IFNE: variants seen among roughly 807,000 people sequenced by gnomAD.
The protein encoded by IFNE is interferon epsilon.
For synonymous variants in IFNE, 94 were observed against 87.4 expected (o/e 1.08, Z -0.42); for missense variants, 276 against 232.4 (o/e 1.19, Z -1.22).
rs1819020575 is a variant in IFNE at position 21,480,869 on chromosome 9, T to C, written c.*199A>G. On this transcript the variant is annotated 3_prime_UTR_variant, in exon 1 of 1. Transcript: ENST00000448696. ...AGAATCAACCATATTAATGAATTTA[T>C]TTTGACATACAAACAATTTAAAATG... 3 of 460,424 alleles carry C rather than the reference T, an allele frequency of 6.5e-6. No individual in the cohort carries two copies. In the East Asian group the frequency reaches 1.0e-4, roughly 16 times the overall value. The allele number at this position is 460,424 out of a possible 1,614,324, so 28.5% of individuals were successfully genotyped here. A position where few individuals can be genotyped will look rare whatever the true frequency, so the allele number is the denominator to read the frequency against.
chr9:21,481,965 A>C lies in IFNE; in HGVS notation c.-271T>G. Reference sequence around the variant, plus strand: ...ATTCATTGTATGCTTTCCTTGAGGCAATTACAGACTAGTCATCCAACATAA... The same window carrying C: ...ATTCATTGTATGCTTTCCTTGAGGCCATTACAGACTAGTCATCCAACATAA... On this transcript the variant is annotated 5_prime_UTR_variant, in exon 1 of 1. In the 5' UTR this introduces an upstream ATG that the reference lacks. Coordinates refer to ENST00000448696, the MANE Select transcript of IFNE (RefSeq NM_176891.5). The C allele has an allele frequency of 2.7e-6, 1 of 376,850 alleles. No individual in the cohort carries two copies. Among genetic ancestry groups the C allele is most frequent in the Non-Finnish European group, 5.0e-6 (1 of 201,164 alleles). 23.3% of individuals were successfully genotyped at this position (376,850 alleles called of 1,614,324 possible).
rs112027420 is a variant in IFNE at position 21,481,567 on chromosome 9, T to C, written c.128A>G (p.Asn43Ser). ...QVNQESLKLLNKLQTLSIQQC... is the reference protein window; with the variant it reads ...QVNQESLKLLSKLQTLSIQQC... ...CTGAATTGACAAGGTTTGCAACTTA[T>C]TCAAGAGTTTTAAACTTTCTTGATT... is the stretch of plus-strand genomic sequence containing the variant. The change falls in exon 1 of 1, where the codon AAT (asparagine) becomes AGT (serine). Residue 43 changes from asparagine to serine, a missense_variant. Asn to Ser is a conservative substitution (Grantham distance 46). Coordinates refer to ENST00000448696, the MANE Select transcript of IFNE (RefSeq NM_176891.5). 609 of 1,614,142 alleles carry C rather than the reference T, an allele frequency of 3.8e-4. 2 individuals carry two copies. In the African/African-American group the frequency reaches 7.2e-3, roughly 19 times the overall value.
At position 21,481,518 on chromosome 9, in the gene IFNE, G is replaced by A; in HGVS notation, c.177C>T (p.Asn59=). The change falls in exon 1 of 1, where the codon AAC becomes AAT. Residue 59 remains asparagine (N), a synonymous_variant. Transcript: ENST00000448696. ...TCAAAGACTTCTGAGGAAGCAGAAA[G>A]TTTTTCCTGTGTGGTAGACACTGCT... The part of the protein sequence containing the change: ...SIQQCLPHRK[N]FLLPQKSLSP... The A allele has an allele frequency of 6.2e-7, 1 of 1,614,104 alleles. No homozygotes were observed. Among genetic ancestry groups the A allele is most frequent in the Non-Finnish European group, 8.5e-7 (1 of 1,180,000 alleles).
rs770923337 is a variant in IFNE, at chr9:21,481,596, T to C, written c.99A>G (p.Gln33=). Residue 33 remains glutamine, a synonymous_variant, in exon 1 of 1, where the codon CAA becomes CAG. Transcript: ENST00000448696. ...DLKLIIFQQR[Q]VNQESLKLLN... ...AGAGTTTTAAACTTTCTTGATTCACTTGTCTTTGCTGGAAGATAATCAGTT... is the reference window on the plus strand; with the variant it reads ...AGAGTTTTAAACTTTCTTGATTCACCTGTCTTTGCTGGAAGATAATCAGTT... The C allele has an allele frequency of 2.6e-5, 42 of 1,614,006 alleles. No homozygotes were observed. Among genetic ancestry groups the C allele is most frequent in the Non-Finnish European group, 3.5e-5 (41 of 1,179,982 alleles).
Position 21,481,043 on chromosome 9 carries a change from T to C in IFNE, c.*25A>G. ...TTACCACTCTATGAAGAATCATGTC[T>C]GGAGAAGTCCTCTAGTCCCTCCACC... On this transcript the variant is annotated 3_prime_UTR_variant, in exon 1 of 1. Transcript: ENST00000448696. 11 of 1,551,242 alleles carry C rather than the reference T, an allele frequency of 7.1e-6. No homozygotes were observed. Among genetic ancestry groups the C allele is most frequent in the Non-Finnish European group, 9.6e-6 (11 of 1,150,354 alleles).
At position 21,481,004 on chromosome 9, in the gene IFNE, T is replaced by A. The variant is rs552125445; in HGVS notation, c.*64A>T. 377 of 1,237,852 alleles carry A rather than the reference T, an allele frequency of 3.0e-4. 1 individual carries two copies. Among genetic ancestry groups the A allele is most frequent in the Non-Finnish European group, 4.2e-4 (370 of 882,256 alleles). The allele number at this position is 1,237,852 out of a possible 1,614,324, so 76.7% of individuals were successfully genotyped here. A position where few individuals can be genotyped will look rare whatever the true frequency, so the allele number is the denominator to read the frequency against. ...ACACAAAATCAAAGCAATGTGATTG[T>A]ACTATAAATTGTATTACCACTCTAT... is the stretch of plus-strand genomic sequence containing the variant. On this transcript the variant is annotated 3_prime_UTR_variant, in exon 1 of 1. Transcript: ENST00000448696.
At position 21,481,984 on chromosome 9, in the gene IFNE, A is replaced by C. The variant is rs1819060386; in HGVS notation, c.-290T>G. The C allele has an allele frequency of 6.3e-6, 2 of 315,330 alleles. No homozygotes were observed. Among genetic ancestry groups the C allele is most frequent in the Non-Finnish European group, 1.2e-5 (2 of 163,430 alleles). 19.5% of individuals were successfully genotyped at this position (315,330 alleles called of 1,614,324 possible). A position where few individuals can be genotyped will look rare whatever the true frequency, so the allele number is the denominator to read the frequency against. ...TGAGGCAATTACAGACTAGTCATCC[A>C]ACATAATCTTTTATTATTCTATTCA... is the stretch of plus-strand genomic sequence containing the variant. On this transcript the variant is annotated 5_prime_UTR_variant, in exon 1 of 1. Transcript: ENST00000448696.
rs1333966085 is a variant in IFNE at position 21,481,095 on chromosome 9, A to T, written c.600T>A (p.Leu200=). 1 of 1,612,334 alleles carries T rather than the reference A, an allele frequency of 6.2e-7. No individual in the cohort carries two copies. Among genetic ancestry groups the T allele is most frequent in the South Asian group, 1.1e-5 (1 of 90,762 alleles). Residue 200 remains leucine, a synonymous_variant, in exon 1 of 1, where the codon CTT becomes CTA. Transcript: ENST00000448696. ...ACCTCGGGCTTCTAAACTCTGTAGT[A>T]AGCTCTTGCTTCATGTCGTTCAAGG... The part of the protein sequence containing the change: ...GRPLNDMKQE[L]TTEFRSPR
rs1238799981 is a variant in IFNE at position 21,481,328 on chromosome 9, G to C, written c.367C>G (p.Leu123Val). 3.7e-6 allele frequency: 6 copies of C among 1,614,148 alleles called. No individual in the cohort carries two copies. Among genetic ancestry groups the C allele is most frequent in the Non-Finnish European group, 8.5e-7 (1 of 1,179,994 alleles). The change falls in exon 1 of 1, where the codon CTC becomes GTC. Residue 123 changes from leucine (L) to valine (V), a missense_variant. By Grantham distance (32) the Leu-to-Val change is conservative. Transcript: ENST00000448696. Reference sequence around the variant, plus strand: ...AGCTTCTCTGCTTCCAGTCCCATGAGTGCTTCTAGGTATTCTAGCTGTTGA... The same window carrying C: ...AGCTTCTCTGCTTCCAGTCCCATGACTGCTTCTAGGTATTCTAGCTGTTGA... ...LHQQLEYLEA[L>V]MGLEAEKLSG...
rs1191909620 is a variant in IFNE at position 21,481,152 on chromosome 9, A to G, written c.543T>C (p.Ser181=). Residue 181 remains serine, a synonymous_variant, in exon 1 of 1, where the codon AGT becomes AGC. Coordinates refer to ENST00000448696, the MANE Select transcript of IFNE (RefSeq NM_176891.5). ...CTTGTTTGCTCAGTTTTTCTGTGAG[A>G]CTGAACACAAAGAACAGACATCGGC... ...EISRCLFFVF[S]LTEKLSKQGR... 1.2e-6 allele frequency: 2 copies of G among 1,614,016 alleles called. No homozygotes were observed. Among genetic ancestry groups the G allele is most frequent in the Admixed American group, 1.7e-5 (1 of 60,008 alleles).
chr9:21,481,672 C>G lies in IFNE; in HGVS notation c.23G>C (p.Gly8Ala), dbSNP rs1407496363. ...AGAGGCCAGCAGCACCAACACAGTTCCAAAGAAGTGCTTGATAATCATGGT... is the reference window on the plus strand; with the variant it reads ...AGAGGCCAGCAGCACCAACACAGTTGCAAAGAAGTGCTTGATAATCATGGT... MIIKHFFGTVLVLLASTT... is the reference protein window; with the variant it reads MIIKHFFATVLVLLASTT... The change falls in exon 1 of 1, where the codon GGA becomes GCA. Residue 8 changes from glycine to alanine, a missense_variant. Gly to Ala is a moderately conservative substitution (Grantham distance 60, BLOSUM62 0). Transcript: ENST00000448696. 1 of 1,612,372 alleles carries G rather than the reference C, an allele frequency of 6.2e-7. No homozygotes were observed. Among genetic ancestry groups the G allele is most frequent in the Non-Finnish European group, 8.5e-7 (1 of 1,179,124 alleles).
chr9:21,481,340 AT>A, the IFNE span: 1 of 1,614,162 alleles, frequency 6.2e-7, no homozygotes, highest in Admixed American at 1.7e-5. Context: ...GCTTCTAGGT[AT>A]TCTAGCTGTT....
the IFNE span, chr9:21,481,142 T>A: frequency 1.2e-6 from 2 of 1,614,114 alleles, no homozygotes; most frequent in Non-Finnish European, 1.7e-6. Flanking sequence ...TTGCTCAGTT[T>A]TTCTGTGAGA....
chr9:21,481,168 A>G lies in IFNE; in HGVS notation c.527T>C (p.Leu176Pro). Reference sequence around the variant, plus strand: ...TTCTGTGAGACTGAACACAAAGAACAGACATCGGCTGATTTCTACTTGGAC... The same window carrying G: ...TTCTGTGAGACTGAACACAAAGAACGGACATCGGCTGATTTCTACTTGGAC... ...AIVQVEISRC[L>P]FFVFSLTEKL... Residue 176 changes from leucine (L) to proline (P), a missense_variant, in exon 1 of 1, where the codon CTG becomes CCG. Leu to Pro is a moderately conservative substitution (Grantham distance 98, BLOSUM62 -3). Coordinates refer to ENST00000448696, the MANE Select transcript of IFNE (RefSeq NM_176891.5). The G allele has an allele frequency of 6.2e-7, 1 of 1,614,190 alleles. No individual in the cohort carries two copies. Among genetic ancestry groups the G allele is most frequent in the Non-Finnish European group, 8.5e-7 (1 of 1,180,012 alleles).
chr9:21,481,415 C>A lies in IFNE; in HGVS notation c.280G>T (p.Ala94Ser), dbSNP rs1235244083. ...MLQQIFSLFR[A>S]NISLDGWEEN... ...TCCCAACCATCCAGAGAAATATTTG[C>A]CCTGAAGAGGCTGAAGATCTGCTGA... The change falls in exon 1 of 1, where the codon GCA becomes TCA. Residue 94 changes from alanine (A) to serine (S), a missense_variant. Physicochemically the swap from Ala to Ser is moderately conservative, Grantham distance 99 (BLOSUM62 1). Coordinates refer to ENST00000448696, the MANE Select transcript of IFNE (RefSeq NM_176891.5). 12 of 1,613,948 alleles carry A rather than the reference C, an allele frequency of 7.4e-6. No homozygotes were observed. The Admixed American group carries it at 1.8e-4, about 25-fold the overall frequency.
Position 21,481,472 on chromosome 9 carries a change from C to G in IFNE, c.223G>C (p.Gly75Arg). 6.2e-7 allele frequency: 1 copy of G among 1,614,068 alleles called. No individual in the cohort carries two copies. The highest frequency in any genetic ancestry group is 8.5e-7 in the Non-Finnish European group (1 of 1,180,000). ...KSLSPQQYQK[G>R]HTLAILHEML... ...TCATGGAGAATGGCCAGAGTGTGTC[C>G]TTTTTGGTACTGCTGAGGACTCAAA... Residue 75 changes from glycine (G) to arginine (R), a missense_variant, in exon 1 of 1, where the codon GGA becomes CGA. Coordinates refer to ENST00000448696, the MANE Select transcript of IFNE (RefSeq NM_176891.5).
Position 21,481,296 on chromosome 9 carries a change from A to G in IFNE, c.399T>C (p.Gly133=). The G allele has an allele frequency of 6.2e-7, 1 of 1,614,146 alleles. No individual in the cohort carries two copies. Among genetic ancestry groups the G allele is most frequent in the Non-Finnish European group, 8.5e-7 (1 of 1,179,984 alleles). ...ATCTAAGGTTATCACTACCCAAAGT[A>G]CCACTTAGCTTCTCTGCTTCCAGTC... is the stretch of plus-strand genomic sequence containing the variant. ...LMGLEAEKLS[G]TLGSDNLRLQ... Residue 133 remains glycine (G), a synonymous_variant, in exon 1 of 1, where the codon GGT becomes GGC. Transcript: ENST00000448696.
In IFNE at chr9:21,481,064, C is replaced by T; in HGVS notation, c.*4G>A. On this transcript the variant is annotated 3_prime_UTR_variant, in exon 1 of 1. Coordinates refer to ENST00000448696, the MANE Select transcript of IFNE (RefSeq NM_176891.5). ...TGTCTGGAGAAGTCCTCTAGTCCCT[C>T]CACCTACCTCGGGCTTCTAAACTCT... 1 of 1,593,846 alleles carries T rather than the reference C, an allele frequency of 6.3e-7. No individual in the cohort carries two copies.
chr9:21,481,485 C>T lies in IFNE; in HGVS notation c.210G>A (p.Gln70=). 6.2e-7 allele frequency: 1 copy of T among 1,614,082 alleles called. No homozygotes were observed. The highest frequency in any genetic ancestry group is 2.2e-5 in the East Asian group (1 of 44,874). ...FLLPQKSLSP[Q]QYQKGHTLAI... ...CCAGAGTGTGTCCTTTTTGGTACTG[C>T]TGAGGACTCAAAGACTTCTGAGGAA... The change falls in exon 1 of 1, where the codon CAG becomes CAA. Residue 70 remains glutamine, a synonymous_variant. Transcript: ENST00000448696.
Sources: gnomAD v4.1 joint callset for allele counts on GRCh38, gnomAD v4.1.1 for gene constraint, MANE v1.5 for transcripts, NCBI Gene and HGNC (gene_info 2026-07-23, HGNC 2026-07-21) for gene names.